Variants in ZHX2 observed in about 807,000 individuals in gnomAD.
The protein encoded by ZHX2 is zinc fingers and homeoboxes protein 2.
In ZHX2, 6 loss-of-function variants were observed where a neutral mutation model predicts 21.9. That is an observed-to-expected ratio of 0.27 (90% CI 0.15 to 0.54). The LOEUF is 0.54. Among genes scored for constraint, ZHX2 ranks in the 20% least tolerant of loss-of-function variants. The pLI is 0.95. For synonymous variants in ZHX2, 434 were observed against 437.1 expected (o/e 0.99, Z 0.09); for missense variants, 908 against 1,090.7 (o/e 0.83, Z 2.36).
At chr8:122,859,233 C>T (rs533078141) in intron 1 of ZHX2, among the ~76,000 whole-genome samples, 15 of 152,298 alleles carry the variant, frequency 9.8e-5, no homozygotes, top group African/African-American at 3.4e-4. Context: ...TGGTGCAGTA[C>T]TGGGTTCAAG....
chr8:122,798,047 A>T (rs1295032738), intron 1 of ZHX2, among the ~76,000 whole-genome samples: 1 of 152,156 alleles, frequency 6.6e-6, no homozygotes, highest in African/African-American at 2.4e-5. Context: ...AGAAAAGGAA[A>T]CTGAGGCTCA....
chr8:122,818,942 C>A (rs1200211021), intron 1 of ZHX2, among the ~76,000 whole-genome samples: 3 of 152,208 alleles, frequency 2.0e-5, no homozygotes, highest in Non-Finnish European at 2.9e-5. Flanking sequence ...CCATCTCAGG[C>A]AGCAGCAAGC....
chr8:122,791,246 C>G (rs1462247494), intron 1 of ZHX2, among the ~76,000 whole-genome samples: 1 of 152,202 alleles, frequency 6.6e-6, no homozygotes, highest in Non-Finnish European at 1.5e-5. Context: ...ACACCGTAGC[C>G]CATGTCATTT....
intron 2 of ZHX2, among the ~76,000 whole-genome samples, chr8:122,875,471 G>A (rs1327126259): frequency 6.6e-6 from 1 of 152,008 alleles, no homozygotes; most frequent in Admixed American, 6.5e-5. Context: ...CTGGGGTTGG[G>A]TGCTGTACTA....
At chr8:122,858,671 C>CAAAAA (rs1404918419) in intron 1 of ZHX2, among the ~76,000 whole-genome samples, 2 of 131,620 alleles carry the variant, frequency 1.5e-5, no homozygotes, top group Non-Finnish European at 3.1e-5. Flanking sequence ...GACAGAATCT[C>CAAAAA]ACTCTGTTGG....
Position 122,850,246 on chromosome 8 carries a change from T to C in ZHX2, c.-282-13231T>C, listed in dbSNP as rs530106902. On this transcript the variant is annotated intron_variant, in intron 1 of 3. Transcript: ENST00000314393. ...CCCTCAGGTGCCCTTCATGTTTTGA[T>C]GGGTGTGAGTGACGCTCCTGGATTT... 2.0e-5 allele frequency among the ~76,000 whole-genome samples: 3 copies of C among 152,196 alleles called. No homozygotes were observed. In the East Asian group the frequency reaches 5.8e-4, roughly 29 times the overall value.
intron 1 of ZHX2, among the ~76,000 whole-genome samples, chr8:122,844,727 C>G (rs1007584727): frequency 6.6e-6 from 1 of 152,194 alleles, no homozygotes; most frequent in Admixed American, 6.5e-5. Flanking sequence ...CTCTTTCTCT[C>G]TCTCTCTCTG....
intron 1 of ZHX2, among the ~76,000 whole-genome samples, chr8:122,794,788 C>T (rs1817588173): frequency 6.6e-6 from 1 of 152,122 alleles, no homozygotes; most frequent in African/African-American, 2.4e-5. Context: ...AATGCACTGT[C>T]CTCTCTCCCC....
intron 2 of ZHX2, among the ~76,000 whole-genome samples, chr8:122,935,823 C>T (rs1482034274): frequency 6.6e-6 from 1 of 152,214 alleles, no homozygotes; most frequent in African/African-American, 2.4e-5. Context: ...GTGTGAGCCA[C>T]CACGCCCGGC....
chr8:122,848,074 T>C (rs2130731936), intron 1 of ZHX2, among the ~76,000 whole-genome samples: 1 of 152,340 alleles, frequency 6.6e-6, no homozygotes, highest in Non-Finnish European at 1.5e-5. Flanking sequence ...TCTCCTTTGG[T>C]CGGCTCAGTT....
At chr8:122,937,912 T>C (rs1812743155) in intron 2 of ZHX2, among the ~76,000 whole-genome samples, 2 of 141,954 alleles carry the variant, frequency 1.4e-5, no homozygotes, top group South Asian at 4.5e-4. Context: ...TCATGTATTA[T>C]GTTTCCTGGT....
intron 2 of ZHX2, among the ~76,000 whole-genome samples, chr8:122,899,447 A>G (rs1023059428): frequency 6.6e-6 from 1 of 152,206 alleles, no homozygotes; most frequent in Non-Finnish European, 1.5e-5. Context: ...CTCAGACCTC[A>G]TACTATCTTT....
intron 2 of ZHX2, among the ~76,000 whole-genome samples, chr8:122,949,794 C>T (rs559296697): frequency 6.5e-4 from 99 of 152,156 alleles, no homozygotes; most frequent in South Asian, 2.7e-3. Context: ...TTACTTGAGC[C>T]CAGGAGATGG....
At chr8:122,876,699 C>T (rs914368917) in intron 2 of ZHX2, among the ~76,000 whole-genome samples, 2 of 152,220 alleles carry the variant, frequency 1.3e-5, no homozygotes, top group African/African-American at 2.4e-5. Flanking sequence ...GTACACCGAT[C>T]GGCTAATTTC....
chr8:122,860,760 G>T (rs1586335302), intron 1 of ZHX2, among the ~76,000 whole-genome samples: 1 of 152,242 alleles, frequency 6.6e-6, no homozygotes, highest in East Asian at 1.9e-4. Context: ...AGAGGGTCGG[G>T]CGTGGTGGCT....
intron 2 of ZHX2, among the ~76,000 whole-genome samples, chr8:122,891,188 TG>T (rs1007269065): frequency 2.0e-5 from 3 of 152,058 alleles, no homozygotes; most frequent in Admixed American, 1.3e-4. Context: ...TTTTCTTTGT[TG>T]GGAGACTTTT....
intron 1 of ZHX2, among the ~76,000 whole-genome samples, chr8:122,819,961 C>G (rs994062748): frequency 1.3e-5 from 2 of 152,130 alleles, no homozygotes; most frequent in African/African-American, 4.8e-5. Context: ...GGCCTCCCCT[C>G]CCATCTGCCT....
intron 1 of ZHX2, among the ~76,000 whole-genome samples, chr8:122,843,649 G>A (rs915492684): frequency 1.3e-5 from 2 of 152,228 alleles, no homozygotes; most frequent in African/African-American, 2.4e-5. Flanking sequence ...CCCCACTTTA[G>A]TGGGTTTCTG....
chr8:122,920,694 A>G (rs554514128), intron 2 of ZHX2, among the ~76,000 whole-genome samples: 4 of 152,290 alleles, frequency 2.6e-5, no homozygotes, highest in African/African-American at 9.6e-5. Flanking sequence ...TTTAATGACT[A>G]CCTGCCACCC....
Sources: allele counts gnomAD v4.1 joint callset (sites outside exome capture counted in the v4.1 genomes callset), GRCh38; gene constraint gnomAD v4.1.1; transcripts MANE v1.5; gene names NCBI Gene and HGNC (gene_info 2026-07-23, HGNC 2026-07-21).